RNF182: variants seen among roughly 807,000 people sequenced by gnomAD.
RNF182 encodes the protein ring finger protein 182.
In RNF182, 15 loss-of-function variants were observed where a neutral mutation model predicts 14.4. The observed-to-expected ratio is 1.04, with a 90% confidence interval of 0.70 to 1.60. RNF182 has a LOEUF of 1.60. RNF182 is among the 40% of genes most tolerant of loss of function. The pLI, the probability that RNF182 is intolerant of heterozygous loss-of-function variation, is 0.00. For synonymous variants in RNF182, 128 were observed against 122.9 expected, an observed-to-expected ratio of 1.04 and a Z score of -0.27; for missense variants, 268 against 294.8, an observed-to-expected ratio of 0.91 and a Z score of 0.67.
At chr6:13,947,403 T>TA (rs1759465937) in intron 1 of RNF182, among the ~76,000 whole-genome samples, 2 of 152,302 alleles carry the variant, frequency 1.3e-5, no homozygotes, top group Admixed American at 1.3e-4. Context: ...ATTTTAGTCT[T>TA]ATTGTATGTG....
intron 1 of RNF182, among the ~76,000 whole-genome samples, chr6:13,938,585 C>A (rs1202760886): frequency 1.3e-5 from 2 of 152,146 alleles, no homozygotes; most frequent in East Asian, 3.8e-4. Flanking sequence ...TTACTTTTCA[C>A]ATTTAGATCT....
Position 13,977,007 on chromosome 6 carries a change from T to C in RNF182, c.-113T>C. On this transcript the variant is annotated 5_prime_UTR_variant, in exon 3 of 3. Transcript: ENST00000488300. ...TTCTGGTTTCTTTCACTACTTATCCTGCCTTTTTGCATCGCTGCCAGATTT... is the reference window on the plus strand; with the variant it reads ...TTCTGGTTTCTTTCACTACTTATCCCGCCTTTTTGCATCGCTGCCAGATTT... The C allele has an allele frequency of 9.6e-6, 11 of 1,151,032 alleles. No individual in the cohort carries two copies. Among genetic ancestry groups the C allele is most frequent in the Non-Finnish European group, 1.4e-5 (11 of 808,878 alleles). The allele number at this position is 1,151,032 out of a possible 1,614,324, so 71.3% of individuals were successfully genotyped here. A position where few individuals can be genotyped will look rare whatever the true frequency, so the allele number is the denominator to read the frequency against.
Position 13,977,539 on chromosome 6 carries a change from C to G in RNF182, c.420C>G (p.Ser140Arg). 6.2e-7 allele frequency: 1 copy of G among 1,614,180 alleles called. No individual in the cohort carries two copies. The highest frequency in any genetic ancestry group is 8.5e-7 in the Non-Finnish European group (1 of 1,180,024). ...VITIMEVQRE[S>R]SPSLSSTPVV... ...CCATCATGGAGGTGCAGAGAGAGAG[C>G]TCCCCGTCCCTGAGCTCCACTCCTG... The change falls in exon 3 of 3, where the codon AGC becomes AGG. Residue 140 changes from serine to arginine, a missense_variant. By Grantham distance (110) the Ser-to-Arg change is moderately radical. Transcript: ENST00000488300.
At chr6:13,943,557 G>A (rs1416809507) in intron 1 of RNF182, among the ~76,000 whole-genome samples, 1 of 152,044 alleles carries the variant, frequency 6.6e-6, no homozygotes, top group Non-Finnish European at 1.5e-5. Context: ...TACCGCCTTG[G>A]AACTGCTATA....
chr6:13,934,662 G>A (rs1165427353), intron 1 of RNF182, among the ~76,000 whole-genome samples: 1 of 152,188 alleles, frequency 6.6e-6, no homozygotes, highest in East Asian at 1.9e-4. Context: ...CCACGCATGA[G>A]CTCTTAATGC....
At chr6:13,976,282 G>A (rs577620118) in intron 2 of RNF182, among the ~76,000 whole-genome samples, 5 of 152,148 alleles carry the variant, frequency 3.3e-5, no homozygotes, top group South Asian at 2.1e-4. Context: ...ATGCACAGCT[G>A]TGGTTTTCAA....
chr6:13,924,818 C>T, upstream of RNF182: 1 of 151,336 alleles, frequency 6.6e-6, no homozygotes. Context: ...CTCCGAATAC[C>T]CGGACTGCTG....
chr6:13,929,073 T>G (rs1315910466), intron 1 of RNF182, among the ~76,000 whole-genome samples: 1 of 152,186 alleles, frequency 6.6e-6, no homozygotes, highest in Non-Finnish European at 1.5e-5. Context: ...CCTCCATTTT[T>G]CCTCCCAATT....
chr6:13,941,381 G>A (rs1316018886), intron 1 of RNF182, among the ~76,000 whole-genome samples: 2 of 151,972 alleles, frequency 1.3e-5, no homozygotes, highest in South Asian at 4.1e-4. Flanking sequence ...TTGTTAGTTG[G>A]TTAGTGTTTG....
chr6:13,960,217 A>G (rs746676107), intron 1 of RNF182, among the ~76,000 whole-genome samples: 11 of 152,160 alleles, frequency 7.2e-5, no homozygotes, highest in Admixed American at 1.3e-4. Context: ...CCTTGTCTTG[A>G]TTGTCTTTGC....
Position 13,941,150 on chromosome 6 carries a change from C to T in RNF182, c.-367+16127C>T, listed in dbSNP as rs144350410. On this transcript the variant is annotated intron_variant, in intron 1 of 2. Transcript: ENST00000488300. ...TTCAGTCTGCTTGTTCTGTCAATTA[C>T]TGGGAAGGATAAGCAAAATCTCTCA... 2.5e-3 allele frequency among the ~76,000 whole-genome samples: 375 copies of T among 152,148 alleles called. 1 individual carries two copies. The highest frequency in any genetic ancestry group is 8.4e-3 in the African/African-American group (350 of 41,542).
At chr6:13,950,989 G>A (rs555302647) in intron 1 of RNF182, among the ~76,000 whole-genome samples, 9 of 151,984 alleles carry the variant, frequency 5.9e-5, no homozygotes, top group African/African-American at 2.2e-4. Context: ...TAGAGACGGG[G>A]TGTCACCATG....
At chr6:13,955,231 G>A (rs1033952741) in intron 1 of RNF182, among the ~76,000 whole-genome samples, 2 of 152,160 alleles carry the variant, frequency 1.3e-5, no homozygotes, top group African/African-American at 2.4e-5. Context: ...TCATTTACCA[G>A]ATTAGATTTG....
At chr6:13,939,079 G>A (rs756967338) in intron 1 of RNF182, among the ~76,000 whole-genome samples, 2 of 152,132 alleles carry the variant, frequency 1.3e-5, no homozygotes, top group Non-Finnish European at 2.9e-5. Context: ...GCAAGACCCT[G>A]TCTCAAAAAA....
At chr6:13,966,094 T>A (rs1382310442) in intron 1 of RNF182, among the ~76,000 whole-genome samples, 2 of 152,162 alleles carry the variant, frequency 1.3e-5, no homozygotes, top group African/African-American at 4.8e-5. Context: ...TACAAAAGAA[T>A]AGTCTATAGG....
Position 13,980,009 on chromosome 6 carries a change from A to G in RNF182, c.*2146A>G, listed in dbSNP as rs1054238733. On this transcript the variant is annotated 3_prime_UTR_variant, in exon 3 of 3. Transcript: ENST00000488300. The stretch of plus-strand genomic sequence containing the variant: ...TTAAATTGTTATTATTTCCAAATTT[A>G]GAAGTTTGATTTCTCTGACTTATGG... The G allele has an allele frequency of 6.1e-6, 1 of 164,132 alleles. No individual in the cohort carries two copies. Among genetic ancestry groups the G allele is most frequent in the Non-Finnish European group, 1.5e-5 (1 of 68,092 alleles). The allele number at this position is 164,132 out of a possible 1,614,324, so 10.2% of individuals were successfully genotyped here. A position where few individuals can be genotyped will look rare whatever the true frequency, so the allele number is the denominator to read the frequency against.
intron 1 of RNF182, chr6:13,949,200 C>G (rs1402542941): frequency 1.2e-6 from 1 of 801,170 alleles, no homozygotes; most frequent in Non-Finnish European, 2.3e-6. Flanking sequence ...GTCAAGAATG[C>G]CTCTCTTATT....
chr6:13,953,208 G>A (rs150983223), intron 1 of RNF182, among the ~76,000 whole-genome samples: 84 of 152,318 alleles, frequency 5.5e-4, no homozygotes, highest in African/African-American at 1.8e-3. Context: ...GTAGGTCTCA[G>A]CCTCATTTTA....
At chr6:13,931,972 C>T (rs893072140) in intron 1 of RNF182, among the ~76,000 whole-genome samples, 20 of 152,162 alleles carry the variant, frequency 1.3e-4, no homozygotes, top group African/African-American at 3.9e-4. Context: ...TGTGAGAACA[C>T]GGTGATAAGG....
Sources: allele counts gnomAD v4.1 joint callset (sites outside exome capture counted in the v4.1 genomes callset), GRCh38; gene constraint gnomAD v4.1.1; transcripts MANE v1.5; gene names NCBI Gene and HGNC (gene_info 2026-07-23, HGNC 2026-07-21).